The following NCL variants were observed in gnomAD, a reference collection of about 807,000 sequenced individuals.
The protein encoded by NCL is nucleolin multifunctional protein.
Under a neutral mutation model 77.7 loss-of-function variants are expected in NCL, and 4 were observed. The ratio of observed to expected loss-of-function variants is 0.05; its 90% CI spans 0.03 to 0.12. The LOEUF (loss-of-function observed/expected upper bound fraction) is 0.12. Ranked by LOEUF, NCL falls within the 10% of genes least tolerant of loss-of-function variation. The pLI is 1.00. For synonymous variants in NCL, 344 were observed against 297.8 expected (o/e 1.16, Z -1.60); for missense variants, 763 against 860.9 (o/e 0.89, Z 1.42).
At position 231,460,413 on chromosome 2, in the gene NCL, A is replaced by G. The variant is rs1315592386; in HGVS notation, c.898+65T>C. On this transcript the variant is annotated intron_variant, in intron 5 of 13. Coordinates refer to ENST00000322723, the MANE Select transcript of NCL (RefSeq NM_005381.3). ...AATGTAACATCAGGTTTCAGTATTA[A>G]GTCCCTTTGTTATTCATCATTTGTG... The G allele has an allele frequency of 3.8e-6, 6 of 1,589,968 alleles. No individual in the cohort carries two copies. The Admixed American group carries it at 1.0e-4, about 27-fold the overall frequency.
chr2:231,464,135 C>G (rs1459268268), intron 1 of NCL: 1 of 1,392,080 alleles, frequency 7.2e-7, no homozygotes, highest in Non-Finnish European at 9.4e-7. Flanking sequence ...GTTCGCCGCC[C>G]CCAGCACCTG....
intron 7 of NCL, chr2:231,458,729 C>G (rs2046917228): frequency 2.4e-6 from 1 of 425,054 alleles, no homozygotes; most frequent in Non-Finnish European, 4.1e-6. Flanking sequence ...AGAAAGATCC[C>G]TTTACGTTAA....
At position 231,461,474 on chromosome 2, in the gene NCL, G is replaced by A. The variant is rs1023626324; in HGVS notation, c.613+66C>T. Reference sequence around the variant, plus strand: ...CTCCAGGTTGTCGTGGAAGGAATATGTTGATCCCAGAATCTCAAGATACCT... The same window carrying A: ...CTCCAGGTTGTCGTGGAAGGAATATATTGATCCCAGAATCTCAAGATACCT... On this transcript the variant is annotated intron_variant, in intron 3 of 13. Transcript: ENST00000322723. 79 of 1,568,724 alleles carry A rather than the reference G, an allele frequency of 5.0e-5. No individual in the cohort carries two copies. In the South Asian group the frequency reaches 9.0e-4, roughly 18 times the overall value.
At chr2:231,463,341 T>C (rs750532536) in intron 1 of NCL, 25 bp from the exon 2 acceptor site, 6 of 1,428,522 alleles carry the variant, frequency 4.2e-6, no homozygotes, top group Non-Finnish European at 5.9e-6. Flanking sequence ...AATAGATCAT[T>C]ACACCTCCAC....
In NCL at chr2:231,454,558, C is replaced by T. The variant is rs1441717350; in HGVS notation, c.*633G>A. ...CTAAAAGTAGGAGAAGCTGCAGCAGCCTTCAAGTCAGCACCAGGGCTGCAG... is the reference window on the plus strand; with the variant it reads ...CTAAAAGTAGGAGAAGCTGCAGCAGTCTTCAAGTCAGCACCAGGGCTGCAG... On this transcript the variant is annotated 3_prime_UTR_variant, in exon 14 of 14. Coordinates refer to ENST00000322723, the MANE Select transcript of NCL (RefSeq NM_005381.3). 1 of 152,890 alleles carries T rather than the reference C, an allele frequency of 6.5e-6. No homozygotes were observed. The highest frequency in any genetic ancestry group is 6.5e-5 in the Admixed American group (1 of 15,356). 9.5% of individuals were successfully genotyped at this position (152,890 alleles called of 1,614,324 possible).
At position 231,460,727 on chromosome 2, in the gene NCL, TTCGTCGTCG is replaced by T; in HGVS notation, c.744_752del (p.Asp248_Asp250del). On this transcript the variant is annotated inframe_deletion, in exon 4 of 14. Coordinates refer to ENST00000322723, the MANE Select transcript of NCL (RefSeq NM_005381.3). ...CTTCATCATCATCATCTTCATCATC[TTCGTCGTCG>T]TCGTCATCCTCGTCCTCATCATCCT... 1 of 1,611,650 alleles carries T rather than the reference TTCGTCGTCG, an allele frequency of 6.2e-7. No homozygotes were observed.
intron 9 of NCL, chr2:231,457,351 G>A (rs1425790066): frequency 3.9e-6 from 3 of 776,698 alleles, no homozygotes; most frequent in Non-Finnish European, 6.8e-6. Flanking sequence ...TGTTTTCCTA[G>A]AATCATCTGA....
chr2:231,455,972 C>CT, intron 12 of NCL, 38 bp downstream of exon 12: 1 of 1,614,152 alleles, frequency 6.2e-7, no homozygotes, highest in Non-Finnish European at 8.5e-7. Context: ...ACAAAAACCC[C>CT]TTCAAGTGGA....
chr2:231,463,280 G>A lies in NCL; in HGVS notation c.55C>T (p.Pro19Ser). 1 of 1,612,124 alleles carries A rather than the reference G, an allele frequency of 6.2e-7. No homozygotes were observed. The highest frequency in any genetic ancestry group is 8.5e-7 in the Non-Finnish European group (1 of 1,179,610). Residue 19 changes from proline (P) to serine (S), a missense_variant, in exon 2 of 14, where the codon CCT becomes TCT. Physicochemically the swap from Pro to Ser is moderately conservative, Grantham distance 74 (BLOSUM62 -1). Transcript: ENST00000322723. ...TCTTCTTCTACCTCCTTTGGAGGAGGAGCCATTTTCTTGGGGTCACCTTGA... is the reference window on the plus strand; with the variant it reads ...TCTTCTTCTACCTCCTTTGGAGGAGAAGCCATTTTCTTGGGGTCACCTTGA... ...KNQGDPKKMA[P>S]PPKEVEEDSE... is the part of the protein sequence containing the mutation.
At chr2:231,456,510 AGTC>A (rs759508277) in intron 11 of NCL, 118 bp downstream of exon 11, 2 of 1,409,432 alleles carry the variant, frequency 1.4e-6, no homozygotes, top group Non-Finnish European at 2.0e-6. Context: ...TCAGGTAATC[AGTC>A]ATCATATCCA....
At chr2:231,464,163 GCCA>G (rs1458086209) in intron 1 of NCL, 170 bp downstream of exon 1, 3 of 1,414,484 alleles carry the variant, frequency 2.1e-6, no homozygotes, top group Admixed American at 2.7e-5. Flanking sequence ...TCTTCACCTC[GCCA>G]CCAAGTAGCC....
In NCL at chr2:231,456,989, G is replaced by GT. The variant is rs755570767; in HGVS notation, c.1571+11dup. 4 of 1,613,574 alleles carry GT rather than the reference G, an allele frequency of 2.5e-6. No individual in the cohort carries two copies. The African/African-American group carries it at 4.0e-5, about 16-fold the overall frequency. On this transcript the variant is annotated intron_variant, in intron 10 of 13. Transcript: ENST00000322723. The stretch of plus-strand genomic sequence containing the variant: ...ATAGCCTATAACTGATGATACAAAG[G>GT]TATTATCTTACCCTTTAGATTTGCC...
In NCL at chr2:231,460,694, CTCATCATCTTCATCA is replaced by C. The variant is rs754837434; in HGVS notation, c.771_785del (p.Asp257_Asp261del). ...CTTCCTCCTCCTCTTCTTCCTCCTC[CTCATCATCTTCATCA>C]TCATCATCTTCATCATCTTCGTCGT... On this transcript the variant is annotated inframe_deletion, in exon 4 of 14. Coordinates refer to ENST00000322723, the MANE Select transcript of NCL (RefSeq NM_005381.3). 302 of 1,609,862 alleles carry C rather than the reference CTCATCATCTTCATCA, an allele frequency of 1.9e-4. 2 individuals carry two copies. Among genetic ancestry groups the C allele is most frequent in the Middle Eastern group, 3.3e-4 (2 of 6,050 alleles).
intron 12 of NCL, 68 bp from the exon 13 acceptor site, chr2:231,455,692 A>G (rs751237457): frequency 1.8e-5 from 28 of 1,523,500 alleles, no homozygotes; most frequent in Non-Finnish European, 2.5e-5. Context: ...TTAACTGTAC[A>G]TGCTGGGGAG....
rs1439152371 is a variant in NCL at position 231,464,435 on chromosome 2, C to G, written c.-82G>C. ...GCGACGGCGATGGCGGCCGCGGGTG[C>G]TGAAGATCCCGGAGCACGTACACCC... is the stretch of plus-strand genomic sequence containing the variant. On this transcript the variant is annotated 5_prime_UTR_variant, in exon 1 of 14. Transcript: ENST00000322723. 52 of 1,538,708 alleles carry G rather than the reference C, an allele frequency of 3.4e-5. No individual in the cohort carries two copies. The highest frequency in any genetic ancestry group is 4.2e-5 in the Non-Finnish European group (48 of 1,132,882).
intron 11 of NCL, 114 bp downstream of exon 11, chr2:231,456,517 A>G: frequency 6.9e-7 from 1 of 1,449,864 alleles, no homozygotes; most frequent in South Asian, 1.1e-5. Flanking sequence ...ATCAGTCATC[A>G]TATCCAGTTA....
chr2:231,464,263 C>T lies in NCL; in HGVS notation c.18+73G>A, dbSNP rs540391665. On this transcript the variant is annotated intron_variant, in intron 1 of 13. Coordinates refer to ENST00000322723, the MANE Select transcript of NCL (RefSeq NM_005381.3). ...GCGCCCGGGACTGCGCGCAGGCCCT[C>T]CTCCCCGCGGCGCCGCGCTCGCCCC... The T allele has an allele frequency of 8.0e-5, 123 of 1,535,662 alleles. 1 individual carries two copies. In the African/African-American group the frequency reaches 1.5e-3, roughly 19 times the overall value.
chr2:231,461,347 T>C (rs916777765), intron 3 of NCL, among the ~76,000 whole-genome samples, 193 bp downstream of exon 3: 2 of 151,576 alleles, frequency 1.3e-5, no homozygotes, highest in South Asian at 2.1e-4. Context: ...TAATAGAATG[T>C]GCTATTGAAA....
At chr2:231,459,970 G>C (rs1238842487) in intron 6 of NCL, among the ~76,000 whole-genome samples, 182 bp downstream of exon 6, 1 of 152,176 alleles carries the variant, frequency 6.6e-6, no homozygotes, top group African/African-American at 2.4e-5. Flanking sequence ...AGTTACGACT[G>C]ATTATGGAAA....
Sources: allele counts gnomAD v4.1 joint callset (sites outside exome capture counted in the v4.1 genomes callset), GRCh38; gene constraint gnomAD v4.1.1; transcripts MANE v1.5; gene names NCBI Gene and HGNC (gene_info 2026-07-23, HGNC 2026-07-21).